PGAP6: variants seen among roughly 807,000 people sequenced by gnomAD.
The protein encoded by PGAP6 is post-GPI attachment to proteins factor 6.
PGAP6 carries 62 observed loss-of-function variants against 68.4 expected under a neutral mutation model. The ratio of observed to expected loss-of-function variants is 0.91; its 90% CI spans 0.74 to 1.12. PGAP6 has a LOEUF of 1.12. Ranked by LOEUF, PGAP6 falls within the 50% of genes most tolerant of loss-of-function variation. The probability of loss-of-function intolerance (pLI) is 0.00; values close to 1 mark genes in which losing one functional copy is unlikely to be tolerated. For synonymous variants in PGAP6, 575 were observed against 474.0 expected (o/e 1.21, Z -2.77); for missense variants, 1,188 against 1,068.5 (o/e 1.11, Z -1.56).
chr16:379,040 TCTC>T (rs1181989974), intron 1 of PGAP6, among the ~76,000 whole-genome samples: 2 of 152,094 alleles, frequency 1.3e-5, no homozygotes, highest in Non-Finnish European at 2.9e-5. Context: ...GTCCCAGCCT[TCTC>T]CTGGGTAGGT....
chr16:381,027 C>T (rs1412108487), intron 1 of PGAP6, among the ~76,000 whole-genome samples: 1 of 152,264 alleles, frequency 6.6e-6, no homozygotes, highest in African/African-American at 2.4e-5. Flanking sequence ...AAGGGCTACG[C>T]CTTCTCCCTG....
At chr16:380,379 T>A (rs1597165742) in intron 1 of PGAP6, among the ~76,000 whole-genome samples, 1 of 151,878 alleles carries the variant, frequency 6.6e-6, no homozygotes, top group Non-Finnish European at 1.5e-5. Flanking sequence ...TTTCTTTTTT[T>A]TTTTTGAGAT....
chr16:382,163 A>C (rs2054449595), upstream of PGAP6: 2 of 354,720 alleles, frequency 5.6e-6, no homozygotes, highest in Admixed American at 4.8e-5. Flanking sequence ...CGCTGGAGGG[A>C]GGGCGCGGGA....
intron 6 of PGAP6, among the ~76,000 whole-genome samples, chr16:375,894 C>A (rs2054377929): frequency 6.6e-6 from 1 of 152,178 alleles, no homozygotes; most frequent in Non-Finnish European, 1.5e-5. Context: ...CCTCCCCGGG[C>A]CCTGGGACAT....
At chr16:384,104 G>A (rs72765895), upstream of PGAP6, among the ~76,000 whole-genome samples, 1 of 152,174 alleles carries the variant, frequency 6.6e-6, no homozygotes, top group Non-Finnish European at 1.5e-5. Context: ...GTGCTGTGCC[G>A]GACTGCACCC....
In PGAP6 at chr16:376,132, G is replaced by A. The variant is rs758906126; in HGVS notation, c.1224+4C>T. 38 of 1,598,102 alleles carry A rather than the reference G, an allele frequency of 2.4e-5. No homozygotes were observed. The highest frequency in any genetic ancestry group is 4.3e-6 in the Non-Finnish European group (5 of 1,170,516). ...GCCACAGGCCGCTTGCAGACAGCAG[G>A]TACCTTGTTGGCCCGCAGGGAGATG... On this transcript the variant is annotated splice_donor_region_variant and intron_variant, in intron 6 of 12. Transcript: ENST00000431232.
chr16:385,732 C>G (rs1352847189), upstream of PGAP6, among the ~76,000 whole-genome samples: 1 of 147,198 alleles, frequency 6.8e-6, no homozygotes, highest in Non-Finnish European at 1.5e-5. Flanking sequence ...TCACGCCATT[C>G]TCCTGCCTCA....
At chr16:378,198 C>CGCCACCCGCACTGCCATT (rs2054404542) in intron 1 of PGAP6, among the ~76,000 whole-genome samples, 1 of 144,998 alleles carries the variant, frequency 6.9e-6, no homozygotes, top group African/African-American at 2.6e-5. Context: ...GCACTGCCAT[C>CGCCACCCGCACTGCCATT]GCCACCCTGA....
At chr16:379,619 G>A (rs932121521) in intron 1 of PGAP6, among the ~76,000 whole-genome samples, 10 of 152,338 alleles carry the variant, frequency 6.6e-5, no homozygotes, top group Middle Eastern at 3.4e-3. Flanking sequence ...CCCCTGGGCT[G>A]CTGGGGCAAA....
At chr16:374,669 G>T (rs1417188974) in intron 9 of PGAP6, 87 bp downstream of exon 9, 6 of 1,553,172 alleles carry the variant, frequency 3.9e-6, no homozygotes, top group Non-Finnish European at 5.2e-6. Context: ...CCAGCCCCTT[G>T]CGGCGCTCCC....
At chr16:377,966 T>G in intron 1 of PGAP6, 118 bp from the exon 2 acceptor site, 1 of 862,864 alleles carries the variant, frequency 1.2e-6, no homozygotes. Context: ...CTGGAGATCT[T>G]GGCACACCAA....
chr16:379,796 G>A lies in PGAP6; in HGVS notation c.121+1905C>T, dbSNP rs375350177. Among the ~76,000 whole-genome samples the A allele has an allele frequency of 3.5e-4, 53 of 152,062 alleles. No individual in the cohort carries two copies. The East Asian group carries it at 8.9e-3, about 26-fold the overall frequency. Reference sequence around the variant, plus strand: ...ACAGCCCCTCCAGGCCTCTCCCAGGGCTCTGCAGCCCAAGCTCCCTGCCCA... The same window carrying A: ...ACAGCCCCTCCAGGCCTCTCCCAGGACTCTGCAGCCCAAGCTCCCTGCCCA... On this transcript the variant is annotated intron_variant, in intron 1 of 12. Transcript: ENST00000431232.
chr16:385,993 G>A (rs562310820), upstream of PGAP6, among the ~76,000 whole-genome samples: 299 of 152,254 alleles, frequency 2.0e-3, 2 homozygotes, highest in Admixed American at 3.9e-3. Flanking sequence ...TCAGTAAAGT[G>A]AAAAATCCAG....
rs752410477 is a variant in PGAP6, at chr16:376,305, G to C, written c.1055C>G (p.Thr352Arg). 7 of 1,612,690 alleles carry C rather than the reference G, an allele frequency of 4.3e-6. No homozygotes were observed. The highest frequency in any genetic ancestry group is 2.2e-5 in the East Asian group (1 of 44,872). The change falls in exon 6 of 13, where the codon ACA becomes AGA. Residue 352 changes from threonine (T) to arginine (R), a missense_variant. Transcript: ENST00000431232. ...GTCCTCCCGCGTGACTGGGTAGTTT[G>C]TGAGGCAGAAGGGGCTGCGGTCCAC... ...GRVDRSPFCL[T>R]NYPVTREDMD...
At chr16:379,083 C>G (rs190538256) in intron 1 of PGAP6, among the ~76,000 whole-genome samples, 4 of 152,280 alleles carry the variant, frequency 2.6e-5, no homozygotes, top group Admixed American at 2.0e-4. Flanking sequence ...CTTTGGGGGC[C>G]CCTCCCTCCG....
Position 377,399 on chromosome 16 carries a change from T to C in PGAP6, c.486A>G (p.Ser162=). 1.9e-6 allele frequency: 3 copies of C among 1,602,406 alleles called. No homozygotes were observed. The highest frequency in any genetic ancestry group is 2.2e-5 in the South Asian group (2 of 89,996). The change falls in exon 3 of 13, where the codon TCA becomes TCG. Residue 162 remains serine (S), a synonymous_variant. Transcript: ENST00000431232. ...DWFVAAHLPP[S]SQKIELKGLA... is the part of the protein sequence containing the mutation. The stretch of plus-strand genomic sequence containing the variant: ...TCACCTTCAACTCGATCTTCTGGGA[T>C]GAGGGGGGCAGGTGGGCGGCCACGA...
chr16:376,201 G>GC lies in PGAP6; in HGVS notation c.1158dup (p.Arg387AlafsTer91). 2 of 1,612,524 alleles carry GC rather than the reference G, an allele frequency of 1.2e-6. No homozygotes were observed. Among genetic ancestry groups the GC allele is most frequent in the Non-Finnish European group, 1.7e-6 (2 of 1,179,940 alleles). On this transcript the variant is annotated frameshift_variant, in exon 6 of 13. Transcript: ENST00000431232. LOFTEE classifies it high-confidence loss of function. ...TCCATGCCGGTGTTCAGGCGCAGCC[G>GC]CATCACGGAGGGCGTGTCCGAACAC...
At position 377,123 on chromosome 16, in the gene PGAP6, C is replaced by G; in HGVS notation, c.549G>C (p.Leu183=). The G allele has an allele frequency of 6.2e-7, 1 of 1,613,668 alleles. No individual in the cohort carries two copies. The highest frequency in any genetic ancestry group is 1.1e-5 in the South Asian group (1 of 91,090). Residue 183 remains leucine, a synonymous_variant, in exon 4 of 13, where the codon CTG becomes CTC. Transcript: ENST00000431232. ...PTCAYVFQPE[L]LVTRVVEISI... is the part of the protein sequence containing the mutation. ...AAATCTCGACCACCCGCGTGACCAGCAGTTCAGGCTGGAAGACGTAGGCAC... is the reference window on the plus strand; with the variant it reads ...AAATCTCGACCACCCGCGTGACCAGGAGTTCAGGCTGGAAGACGTAGGCAC...
At position 377,423 on chromosome 16, in the gene PGAP6, G is replaced by A. The variant is rs780396961; in HGVS notation, c.462C>T (p.Phe154=). The A allele has an allele frequency of 1.2e-5, 20 of 1,608,662 alleles. No homozygotes were observed. The highest frequency in any genetic ancestry group is 1.2e-4 in the Admixed American group (7 of 59,732). ...NVSHPAPGDW[F]VAAHLPPSSQ... ...ATGAGGGGGGCAGGTGGGCGGCCAC[G>A]AACCAGTCCCCGGGGGCCGGGTGGG... Residue 154 remains phenylalanine (F), a synonymous_variant, in exon 3 of 13, where the codon TTC becomes TTT. Transcript: ENST00000431232.
Sources: gnomAD v4.1 joint callset for allele counts (sites outside exome capture counted in the v4.1 genomes callset) on GRCh38, gnomAD v4.1.1 for gene constraint, MANE v1.5 for transcripts, NCBI Gene and HGNC (gene_info 2026-07-23, HGNC 2026-07-21) for gene names.